The following COMMD10 variants were observed in gnomAD, a reference collection of about 807,000 sequenced individuals.
The protein encoded by COMMD10 is COMM domain containing 10, also known as COMM domain-containing protein 10.
In COMMD10, 33 loss-of-function variants were observed where a neutral mutation model predicts 28.9. That is an observed-to-expected ratio of 1.14 (90% CI 0.87 to 1.53). COMMD10 has a LOEUF of 1.53. COMMD10 is among the 40% of genes most tolerant of loss of function. COMMD10 has a pLI of 0.00. For missense variants in COMMD10, 310 were observed against 233.4 expected (o/e 1.33, Z -2.14); for synonymous variants, 110 against 81.7 (o/e 1.35, Z -1.87).
intron 5 of COMMD10, among the ~76,000 whole-genome samples, chr5:116,213,794 A>G (rs1749028769): frequency 6.6e-6 from 1 of 152,050 alleles, no homozygotes; most frequent in Non-Finnish European, 1.5e-5. Context: ...TGTGATTCGT[A>G]TTTTAGTACA....
At chr5:116,234,032 T>C (rs1749597090) in intron 5 of COMMD10, among the ~76,000 whole-genome samples, 1 of 152,116 alleles carries the variant, frequency 6.6e-6, no homozygotes, top group South Asian at 2.1e-4. Context: ...TCAGTGATGC[T>C]AATGTGTCTG....
intron 5 of COMMD10, among the ~76,000 whole-genome samples, chr5:116,279,298 A>C (rs909495081): frequency 2.0e-5 from 3 of 151,942 alleles, no homozygotes; most frequent in Non-Finnish European, 4.4e-5. Context: ...TGCTGCTTAC[A>C]TTCTTAAATA....
chr5:116,198,190 A>C (rs1748579285), intron 5 of COMMD10, among the ~76,000 whole-genome samples: 1 of 152,122 alleles, frequency 6.6e-6, no homozygotes, highest in Non-Finnish European at 1.5e-5. Flanking sequence ...TTAATTTCTA[A>C]GTACATTTTG....
chr5:116,264,723 T>G (rs1750538507), intron 5 of COMMD10, among the ~76,000 whole-genome samples: 1 of 151,884 alleles, frequency 6.6e-6, no homozygotes, highest in South Asian at 2.1e-4. Context: ...CTTTAGGAGC[T>G]TGATGGAGAG....
intron 5 of COMMD10, among the ~76,000 whole-genome samples, chr5:116,152,488 T>C (rs996424222): frequency 5.9e-5 from 9 of 152,080 alleles, no homozygotes; most frequent in Non-Finnish European, 1.0e-4. Context: ...TTTAATACTT[T>C]GTATTTACTT....
chr5:116,209,738 G>A (rs1039043916), intron 5 of COMMD10, among the ~76,000 whole-genome samples: 5 of 152,036 alleles, frequency 3.3e-5, no homozygotes, highest in African/African-American at 7.2e-5. Context: ...TTCTCCACGC[G>A]TCTCTTAAAT....
intron 5 of COMMD10, among the ~76,000 whole-genome samples, chr5:116,200,560 G>A (rs942306561): frequency 6.6e-6 from 1 of 151,224 alleles, no homozygotes; most frequent in South Asian, 2.1e-4. Context: ...TCACACATAC[G>A]TTATACCTTT....
chr5:116,212,393 T>G (rs1748988577), intron 5 of COMMD10, among the ~76,000 whole-genome samples: 1 of 152,068 alleles, frequency 6.6e-6, no homozygotes, highest in South Asian at 2.1e-4. Flanking sequence ...GTAGTCCTTC[T>G]GTATTGGGGC....
At chr5:116,134,034 C>A in intron 4 of COMMD10, 34 bp from the exon 5 acceptor site, 1 of 1,174,166 alleles carries the variant, frequency 8.5e-7, no homozygotes, top group Non-Finnish European at 1.3e-6. Context: ...TCCTTCTGTA[C>A]CATCTGATTC....
chr5:116,129,891 A>T (rs1751810992), intron 4 of COMMD10, among the ~76,000 whole-genome samples: 1 of 149,226 alleles, frequency 6.7e-6, no homozygotes, highest in Non-Finnish European at 1.5e-5. Context: ...TTGTAATAAT[A>T]GTTATCCTTT....
chr5:116,281,260 T>G (rs1751060879), intron 5 of COMMD10, among the ~76,000 whole-genome samples: 1 of 151,682 alleles, frequency 6.6e-6, no homozygotes, highest in Admixed American at 6.6e-5. Flanking sequence ...ACAGAGGGTA[T>G]TTTTAGTGTC....
chr5:116,087,225 C>T (rs1580432723), intron 1 of COMMD10, among the ~76,000 whole-genome samples: 1 of 152,218 alleles, frequency 6.6e-6, no homozygotes, highest in African/African-American at 2.4e-5. Context: ...CTCTTCCCTG[C>T]GCAGTACAAG....
chr5:116,159,282 AT>A (rs1752840675), intron 5 of COMMD10, among the ~76,000 whole-genome samples: 1 of 152,186 alleles, frequency 6.6e-6, no homozygotes, highest in Non-Finnish European at 1.5e-5. Flanking sequence ...TGTTATGACC[AT>A]AGAAGTTGCC....
At chr5:116,207,708 T>C (rs1310960047) in intron 5 of COMMD10, among the ~76,000 whole-genome samples, 1 of 152,088 alleles carries the variant, frequency 6.6e-6, no homozygotes, top group Admixed American at 6.5e-5. Context: ...GTGTTTTTAG[T>C]AGAGATGAGG....
At chr5:116,219,063 AAT>A (rs1400271497) in intron 5 of COMMD10, among the ~76,000 whole-genome samples, 1 of 152,134 alleles carries the variant, frequency 6.6e-6, no homozygotes, top group Non-Finnish European at 1.5e-5. Flanking sequence ...TGTCTGCTTT[AAT>A]AGAGAAAACC....
At chr5:116,193,966 C>T (rs1748439208) in intron 5 of COMMD10, among the ~76,000 whole-genome samples, 2 of 152,198 alleles carry the variant, frequency 1.3e-5, no homozygotes, top group African/African-American at 4.8e-5. Flanking sequence ...TATCAAGCCA[C>T]TCTCTCAGAC....
At chr5:116,282,442 T>C (rs1751096069) in intron 5 of COMMD10, among the ~76,000 whole-genome samples, 1 of 151,920 alleles carries the variant, frequency 6.6e-6, no homozygotes, top group Non-Finnish European at 1.5e-5. Flanking sequence ...CTTAAATATG[T>C]AAACATAATT....
intron 5 of COMMD10, among the ~76,000 whole-genome samples, chr5:116,251,215 A>G (rs192564165): frequency 2.0e-5 from 3 of 151,888 alleles, no homozygotes; most frequent in Admixed American, 6.6e-5. Flanking sequence ...TTCATTAAGT[A>G]TTTGTTCCCC....
chr5:116,192,203 A>G (rs969316816), intron 5 of COMMD10, among the ~76,000 whole-genome samples: 1 of 152,076 alleles, frequency 6.6e-6, no homozygotes, highest in African/African-American at 2.4e-5. Context: ...GAGCCTACCT[A>G]AATGAGAAGG....
Sources: gnomAD v4.1 joint callset for allele counts (sites outside exome capture counted in the v4.1 genomes callset) on GRCh38, gnomAD v4.1.1 for gene constraint, MANE v1.5 for transcripts, NCBI Gene and HGNC (gene_info 2026-07-23, HGNC 2026-07-21) for gene names.